Variants in RNF216 observed in about 807,000 individuals in gnomAD.
RNF216 encodes the protein E3 ubiquitin-protein ligase RNF216.
A neutral mutation model predicts 110.8 loss-of-function variants in RNF216; 72 were observed. The observed-to-expected ratio is 0.65, with a 90% CI of 0.54 to 0.79. RNF216 has a LOEUF of 0.79. RNF216 is among the 30% of genes least tolerant of loss of function. RNF216 has a pLI of 0.00. For missense variants in RNF216, 1,342 were observed against 1,141.2 expected (o/e 1.18, Z -2.54); for synonymous variants, 495 against 407.5 (o/e 1.21, Z -2.59).
At chr7:5,725,667 T>G (rs138324765) in intron 7 of RNF216, among the ~76,000 whole-genome samples, 1 of 152,036 alleles carries the variant, frequency 6.6e-6, no homozygotes, top group Non-Finnish European at 1.5e-5. Flanking sequence ...CTGGCCAACA[T>G]GGTGAAACCC....
chr7:5,647,965 T>G (rs1412833135), intron 14 of RNF216, among the ~76,000 whole-genome samples: 1 of 152,210 alleles, frequency 6.6e-6, no homozygotes, highest in Non-Finnish European at 1.5e-5. Context: ...GCCATGACAT[T>G]CATTTGCTTA....
rs564273070 is a variant in RNF216, at chr7:5,657,058, C to T, written c.2062-4548G>A. Among the ~76,000 whole-genome samples the T allele has an allele frequency of 2.0e-4, 31 of 152,360 alleles. No individual in the cohort carries two copies. In the South Asian group the frequency reaches 5.2e-3, roughly 25 times the overall value. On this transcript the variant is annotated intron_variant, in intron 13 of 16. Coordinates refer to ENST00000389902, the MANE Select transcript of RNF216 (RefSeq NM_207111.4). ...CACCTGGAAGGTGTCCGTCCCCATGCGTGCTAGATTTCAGTTGCTGACTTC... is the reference window on the plus strand; with the variant it reads ...CACCTGGAAGGTGTCCGTCCCCATGTGTGCTAGATTTCAGTTGCTGACTTC...
chr7:5,721,047 T>G lies in RNF216; in HGVS notation c.1630A>C (p.Lys544Gln). ...QEQEFYEQKI[K>Q]EMAEHEDFLL... Reference sequence around the variant, plus strand: ...CATCTTCCTACCTCTGCCATCTCTTTGATTTTCTGCTCATAGAACTCCTGC... The same window carrying G: ...CATCTTCCTACCTCTGCCATCTCTTGGATTTTCTGCTCATAGAACTCCTGC... The change falls in exon 9 of 17, where the codon AAA becomes CAA. Residue 544 changes from lysine to glutamine, a missense_variant. By Grantham distance (53) the Lys-to-Gln change is moderately conservative. Transcript: ENST00000389902. The G allele has an allele frequency of 4.3e-6, 7 of 1,614,220 alleles. No homozygotes were observed. Among genetic ancestry groups the G allele is most frequent in the Non-Finnish European group, 5.9e-6 (7 of 1,180,036 alleles).
At chr7:5,770,855 C>T (rs1330031949) in intron 1 of RNF216, among the ~76,000 whole-genome samples, 1 of 151,524 alleles carries the variant, frequency 6.6e-6, no homozygotes, top group South Asian at 2.1e-4. Flanking sequence ...TCGCCCAGGC[C>T]GGAGTGCAGT....
chr7:5,715,758 TTG>T (rs1793017441), intron 10 of RNF216, among the ~76,000 whole-genome samples: 1 of 90,274 alleles, frequency 1.1e-5, no homozygotes, highest in African/African-American at 3.4e-5. Flanking sequence ...TTTTTTTTTT[TTG>T]AGATGGAGTC....
chr7:5,762,343 T>A (rs781279616), intron 1 of RNF216, among the ~76,000 whole-genome samples: 19 of 151,712 alleles, frequency 1.3e-4, no homozygotes, highest in Non-Finnish European at 2.4e-4. Context: ...GCCAACATGG[T>A]GAAACCCCAT....
Position 5,729,510 on chromosome 7 carries a change from G to A in RNF216, c.1311C>T (p.Ala437=), listed in dbSNP as rs150346784. 186 of 1,614,130 alleles carry A rather than the reference G, an allele frequency of 1.2e-4. No individual in the cohort carries two copies. The African/African-American group carries it at 1.7e-3, about 15-fold the overall frequency. ...CFIQAADLLM[A]DFKVLSSQDI... ...CCTGACTACTGAGCACTTTGAAGTCGGCCATGAGGAGGTCAGCAGCTTGGA... is the reference window on the plus strand; with the variant it reads ...CCTGACTACTGAGCACTTTGAAGTCAGCCATGAGGAGGTCAGCAGCTTGGA... Residue 437 remains alanine (A), a synonymous_variant, in exon 7 of 17, where the codon GCC becomes GCT. Coordinates refer to ENST00000389902, the MANE Select transcript of RNF216 (RefSeq NM_207111.4).
At chr7:5,753,335 C>T (rs1795433216) in intron 2 of RNF216, among the ~76,000 whole-genome samples, 1 of 152,134 alleles carries the variant, frequency 6.6e-6, no homozygotes, top group African/African-American at 2.4e-5. Flanking sequence ...GAATAAATGT[C>T]TATTTTATTT....
intron 13 of RNF216, among the ~76,000 whole-genome samples, chr7:5,678,466 C>T (rs1318679148): frequency 6.6e-6 from 1 of 152,196 alleles, no homozygotes; most frequent in Non-Finnish European, 1.5e-5. Context: ...GAGATTCATG[C>T]CACCTGGCGT....
intron 13 of RNF216, among the ~76,000 whole-genome samples, chr7:5,692,573 G>A (rs1482358693): frequency 1.3e-5 from 2 of 152,200 alleles, no homozygotes; most frequent in African/African-American, 4.8e-5. Flanking sequence ...AGCAGAGCCC[G>A]TGCAGAAGGC....
intron 1 of RNF216, among the ~76,000 whole-genome samples, chr7:5,776,452 A>C (rs1336591347): frequency 8.6e-5 from 13 of 151,300 alleles, no homozygotes; most frequent in African/African-American, 2.9e-4. Flanking sequence ...AAAATTAGCC[A>C]GGCGTGGTGG....
intron 10 of RNF216, among the ~76,000 whole-genome samples, chr7:5,715,736 CTTTTTTTTT>C (rs58929486): frequency 2.0e-4 from 23 of 113,778 alleles, no homozygotes; most frequent in East Asian, 2.5e-4. Flanking sequence ...CCAACTCATT[CTTTTTTTTT>C]TTTTTTTTTT....
At chr7:5,725,222 G>C (rs1793675753) in intron 8 of RNF216, 102 bp downstream of exon 8, 1 of 705,404 alleles carries the variant, frequency 1.4e-6, no homozygotes, top group African/African-American at 1.8e-5. Context: ...GGCCTGTCCA[G>C]ATGCTCAGCA....
intron 1 of RNF216, among the ~76,000 whole-genome samples, chr7:5,766,297 TAAAACA>T (rs1796203982): frequency 6.6e-6 from 1 of 151,850 alleles, no homozygotes; most frequent in African/African-American, 2.4e-5. Flanking sequence ...CTCAAAAAAC[TAAAACA>T]AAAACAAACA....
At chr7:5,714,570 A>G (rs1184250606) in intron 11 of RNF216, among the ~76,000 whole-genome samples, 2 of 152,164 alleles carry the variant, frequency 1.3e-5, no homozygotes, top group Admixed American at 6.5e-5. Context: ...CATCTTCTTA[A>G]TCACTGTGTT....
intron 13 of RNF216, among the ~76,000 whole-genome samples, chr7:5,666,879 T>C (rs1440338161): frequency 6.7e-6 from 1 of 148,918 alleles, no homozygotes; most frequent in Non-Finnish European, 1.5e-5. Flanking sequence ...CAGTCAGTGG[T>C]GCCATCATAG....
At chr7:5,736,085 T>G (rs1028450565) in intron 5 of RNF216, among the ~76,000 whole-genome samples, 1 of 150,456 alleles carries the variant, frequency 6.6e-6, no homozygotes, top group African/African-American at 2.4e-5. Flanking sequence ...AGAGTGAGAC[T>G]CCGTCTCAAA....
intron 1 of RNF216, among the ~76,000 whole-genome samples, chr7:5,769,608 C>A (rs1796388766): frequency 6.6e-6 from 1 of 151,694 alleles, no homozygotes; most frequent in African/African-American, 2.4e-5. Context: ...CCTGTGGTAC[C>A]AGCTACATGG....
rs534197303 is a variant in RNF216 at position 5,780,716 on chromosome 7, GA to G, written c.-70+824del. On this transcript the variant is annotated intron_variant, in intron 1 of 16. Coordinates refer to ENST00000389902, the MANE Select transcript of RNF216 (RefSeq NM_207111.4). ...CAAGACTCCGTCTCAAAGAAAAGGA[GA>G]AAAAAAAAAAAGTAAAAGAAAAAAG... 1.5e-3 allele frequency among the ~76,000 whole-genome samples: 217 copies of G among 145,696 alleles called. 1 individual carries two copies. Among genetic ancestry groups the G allele is most frequent in the African/African-American group, 4.8e-3 (189 of 39,494 alleles).
Sources: allele counts gnomAD v4.1 joint callset (sites outside exome capture counted in the v4.1 genomes callset), GRCh38; gene constraint gnomAD v4.1.1; transcripts MANE v1.5; gene names NCBI Gene and HGNC (gene_info 2026-07-23, HGNC 2026-07-21).